AIRIM: variants seen among roughly 807,000 people sequenced by gnomAD.
AIRIM encodes the protein AFG2 interacting ribosome maturation factor.
chr1:37,683,219 C>A, the AIRIM span: 1 of 1,605,128 alleles, frequency 6.2e-7, no homozygotes, highest in Non-Finnish European at 8.5e-7. Flanking sequence ...ATAAAACACA[C>A]AGAGGCACAG....
chr1:37,684,491 T>C, the AIRIM span, among the ~76,000 whole-genome samples: 1 of 151,938 alleles, frequency 6.6e-6, no homozygotes, highest in African/African-American at 2.4e-5. Flanking sequence ...TGGTGGCAGG[T>C]GTCTGTAATC....
chr1:37,686,233 A>C, the AIRIM span: 2 of 1,556,954 alleles, frequency 1.3e-6, no homozygotes, highest in Middle Eastern at 1.7e-4. Flanking sequence ...AAAGACTTAG[A>C]ACAGCTCTGG....
the AIRIM span, chr1:37,690,037 GA>G: frequency 1.4e-6 from 2 of 1,404,208 alleles, no homozygotes; most frequent in South Asian, 3.2e-5. Context: ...TTTTTTTTTC[GA>G]GACGGAGTCT....
the AIRIM span, among the ~76,000 whole-genome samples, chr1:37,690,845 C>T: frequency 6.6e-6 from 1 of 152,336 alleles, no homozygotes; most frequent in South Asian, 2.1e-4. Context: ...AACCAACTGG[C>T]AAAAACTAGT....
chr1:37,688,211 G>A, the AIRIM span, among the ~76,000 whole-genome samples: 3 of 151,928 alleles, frequency 2.0e-5, no homozygotes, highest in Admixed American at 6.6e-5. Flanking sequence ...TGTGTGCCAC[G>A]ACAGCCAGTT....
the AIRIM span, chr1:37,689,864 G>C: frequency 6.4e-7 from 1 of 1,570,302 alleles, no homozygotes; most frequent in Non-Finnish European, 8.6e-7. Context: ...GGCAAGCAGA[G>C]GCCGGTCTTG....
the AIRIM span, chr1:37,690,506 C>A: frequency 8.3e-7 from 1 of 1,198,614 alleles, no homozygotes; most frequent in East Asian, 6.0e-5. Context: ...GACTGCACCA[C>A]GCGCCCACAG....
the AIRIM span, chr1:37,681,949 G>C: frequency 6.6e-6 from 1 of 152,178 alleles, no homozygotes. Flanking sequence ...GAATTGGTCA[G>C]GAGCAGTGGC....
chr1:37,682,948 G>A, the AIRIM span: 1 of 658,184 alleles, frequency 1.5e-6, no homozygotes, highest in East Asian at 2.8e-5. Flanking sequence ...GCATGCTGCA[G>A]CTCCAAAATC....
the AIRIM span, chr1:37,689,985 G>A: frequency 5.5e-6 from 8 of 1,447,310 alleles, no homozygotes; most frequent in Non-Finnish European, 6.3e-6. Context: ...ATCGTGTTCA[G>A]ACAGGAGTTG....
At chr1:37,685,955 C>T in the AIRIM span, among the ~76,000 whole-genome samples, 1 of 152,112 alleles carries the variant, frequency 6.6e-6, no homozygotes, top group Non-Finnish European at 1.5e-5. Flanking sequence ...CTGCTCTGAC[C>T]ACCCTATTTT....
chr1:37,690,261 A>G, the AIRIM span: 1 of 1,292,804 alleles, frequency 7.7e-7, no homozygotes, highest in Admixed American at 2.3e-5. Flanking sequence ...CTGGGATTAC[A>G]GGCGTGAGCC....
chr1:37,682,770 G>A, the AIRIM span: 1 of 201,114 alleles, frequency 5.0e-6, no homozygotes, highest in East Asian at 1.3e-4. Context: ...CAAGGGCAGT[G>A]TGGCTCTTTG....
At chr1:37,683,197 T>C in the AIRIM span, 1 of 1,603,576 alleles carries the variant, frequency 6.2e-7, no homozygotes, top group Admixed American at 1.7e-5. Flanking sequence ...CATTATCACC[T>C]CTCCCGAGAA....
the AIRIM span, chr1:37,682,016 A>T: frequency 1.3e-5 from 2 of 152,212 alleles, no homozygotes; most frequent in Non-Finnish European, 2.9e-5. Context: ...CCTTGAGCTC[A>T]GGAGTGAGCT....
the AIRIM span, among the ~76,000 whole-genome samples, chr1:37,687,696 A>G: frequency 6.6e-6 from 1 of 152,178 alleles, no homozygotes; most frequent in African/African-American, 2.4e-5. Flanking sequence ...ATACCGCTGC[A>G]CTTCAGCCTG....
chr1:37,689,737 C>CT, the AIRIM span: 1 of 1,613,962 alleles, frequency 6.2e-7, no homozygotes, highest in Non-Finnish European at 8.5e-7. Flanking sequence ...CGGCCTGCAG[C>CT]TGTTCCGCCA....
chr1:37,683,111 C>T, the AIRIM span: 13 of 1,611,486 alleles, frequency 8.1e-6, no homozygotes, highest in African/African-American at 6.7e-5. Context: ...TCTCCAGATA[C>T]GCATAGCTTC....
At chr1:37,684,882 G>C in the AIRIM span, among the ~76,000 whole-genome samples, 1 of 152,132 alleles carries the variant, frequency 6.6e-6, no homozygotes, top group Admixed American at 6.6e-5. Flanking sequence ...GAGAAGACCA[G>C]GCATGGTGGC....
Sources: gnomAD v4.1 joint callset for allele counts (sites outside exome capture counted in the v4.1 genomes callset) on GRCh38, gnomAD v4.1.1 for gene constraint, MANE v1.5 for transcripts, NCBI Gene and HGNC (gene_info 2026-07-23, HGNC 2026-07-21) for gene names.